FNIP2: variants seen among roughly 807,000 people sequenced by gnomAD.
FNIP2 encodes the protein folliculin interacting protein 2, also known as folliculin-interacting protein 2.
A neutral mutation model predicts 108.7 loss-of-function variants in FNIP2; 32 were observed. The observed-to-expected ratio is 0.29, with a 90% CI of 0.22 to 0.40. The LOEUF is 0.40. FNIP2 is among the 10% of genes least tolerant of loss of function. The probability of loss-of-function intolerance (pLI) is 1.00; values close to 1 mark genes in which losing one functional copy is unlikely to be tolerated. For missense variants in FNIP2, 1,202 were observed against 1,381.6 expected, an observed-to-expected ratio of 0.87 and a Z score of 2.06; for synonymous variants, 480 against 496.7, an observed-to-expected ratio of 0.97 and a Z score of 0.45.
intron 10 of FNIP2, among the ~76,000 whole-genome samples, chr4:158,860,760 G>A (rs1027084841): frequency 4.0e-5 from 6 of 150,780 alleles, no homozygotes; most frequent in Admixed American, 6.6e-5. Context: ...GGGTTCAAGC[G>A]ATTCTCCTGC....
At chr4:158,774,017 A>C (rs1333923341) in intron 1 of FNIP2, among the ~76,000 whole-genome samples, 2 of 152,214 alleles carry the variant, frequency 1.3e-5, no homozygotes, top group East Asian at 1.9e-4. Context: ...ACAGACACAC[A>C]AAACAAAAGA....
intron 1 of FNIP2, among the ~76,000 whole-genome samples, chr4:158,776,379 C>T (rs1775859883): frequency 6.6e-6 from 1 of 152,182 alleles, no homozygotes; most frequent in Non-Finnish European, 1.5e-5. Context: ...TAGGAAGCAG[C>T]AGCAAATTCA....
chr4:158,854,124 C>G (rs1278535261), intron 8 of FNIP2, among the ~76,000 whole-genome samples: 2 of 152,296 alleles, frequency 1.3e-5, no homozygotes, highest in African/African-American at 2.4e-5. Context: ...AAAACAGAGA[C>G]TAAACTCTCT....
chr4:158,804,658 C>T (rs1416558702), intron 1 of FNIP2, among the ~76,000 whole-genome samples: 2 of 152,116 alleles, frequency 1.3e-5, no homozygotes, highest in Non-Finnish European at 2.9e-5. Context: ...GTAGTCCTCT[C>T]GCCTTGGCCT....
intron 14 of FNIP2, among the ~76,000 whole-genome samples, chr4:158,870,939 C>T (rs1489852581): frequency 6.6e-6 from 1 of 152,198 alleles, no homozygotes; most frequent in Admixed American, 6.5e-5. Context: ...AGGAGCTGCT[C>T]TGGGGGTGGT....
chr4:158,895,096 TA>T (rs1023247515), intron 15 of FNIP2, among the ~76,000 whole-genome samples: 3 of 152,102 alleles, frequency 2.0e-5, no homozygotes, highest in Non-Finnish European at 2.9e-5. Context: ...TGCTATTCTC[TA>T]AAAAAATGAA....
chr4:158,837,433 A>C (rs1458073464), intron 7 of FNIP2, among the ~76,000 whole-genome samples: 1 of 152,170 alleles, frequency 6.6e-6, no homozygotes, highest in Non-Finnish European at 1.5e-5. Context: ...AGGGAATTTG[A>C]GGGACCTAAC....
intron 14 of FNIP2, chr4:158,872,722 GTCTA>G: frequency 1.0e-6 from 1 of 981,224 alleles, no homozygotes; most frequent in Non-Finnish European, 1.2e-6. Context: ...TGGCGCTCTG[GTCTA>G]TGGTAGTGTT....
chr4:158,852,626 C>G (rs996430235), intron 8 of FNIP2, among the ~76,000 whole-genome samples: 1 of 152,146 alleles, frequency 6.6e-6, no homozygotes, highest in African/African-American at 2.4e-5. Context: ...AAATCAAGTC[C>G]GGTGTTTAGC....
At chr4:158,854,024 G>A (rs1026920291) in intron 8 of FNIP2, among the ~76,000 whole-genome samples, 23 of 152,260 alleles carry the variant, frequency 1.5e-4, no homozygotes, top group Middle Eastern at 3.4e-3. Flanking sequence ...TGAAAACAGT[G>A]TATTTTTTTG....
chr4:158,878,449 CT>C (rs1179447082), intron 14 of FNIP2, among the ~76,000 whole-genome samples: 1 of 152,210 alleles, frequency 6.6e-6, no homozygotes, highest in Non-Finnish European at 1.5e-5. Flanking sequence ...TCAAAACCCC[CT>C]GTCTGTGCTA....
rs1486428649 is a variant in FNIP2, at chr4:158,906,511, A to G, written c.*1967A>G. ...CACTGAGCTTTAAATCGTTGATTCTAAACTCTATACATTAAAAAAATTCAG... is the reference window on the plus strand; with the variant it reads ...CACTGAGCTTTAAATCGTTGATTCTGAACTCTATACATTAAAAAAATTCAG... On this transcript the variant is annotated 3_prime_UTR_variant, in exon 17 of 17. Transcript: ENST00000264433. The G allele has an allele frequency of 6.6e-6, 1 of 152,160 alleles. No individual in the cohort carries two copies. Among genetic ancestry groups the G allele is most frequent in the African/African-American group, 2.4e-5 (1 of 41,430 alleles). The allele number at this position is 152,160 out of a possible 1,614,324, so 9.4% of individuals were successfully genotyped here.
Position 158,868,559 on chromosome 4 carries a change from C to T in FNIP2, c.1923C>T (p.Ser641=), listed in dbSNP as rs1780728507. The part of the protein sequence containing the change: ...AGCLGPASDA[S]WKPQNAFCGD... ...GCCTGGGGCCAGCATCAGACGCTTC[C>T]TGGAAACCTCAGAATGCATTTTGTG... is the stretch of plus-strand genomic sequence containing the variant. Residue 641 remains serine, a synonymous_variant, in exon 13 of 17, where the codon TCC becomes TCT. Coordinates refer to ENST00000264433, the MANE Select transcript of FNIP2 (RefSeq NM_020840.3). This position sits in a 1 kb window ranked among gnomAD's most constrained non-coding sequence, Gnocchi z 4.6. 6.2e-7 allele frequency: 1 copy of T among 1,613,512 alleles called. No homozygotes were observed. Among genetic ancestry groups the T allele is most frequent in the African/African-American group, 1.3e-5 (1 of 75,040 alleles).
At chr4:158,837,371 C>G (rs1020811735) in intron 7 of FNIP2, among the ~76,000 whole-genome samples, 1 of 152,216 alleles carries the variant, frequency 6.6e-6, no homozygotes, top group African/African-American at 2.4e-5. Flanking sequence ...TTCTGCACAG[C>G]TGTAACCTTA....
At chr4:158,828,009 C>T in intron 2 of FNIP2, among the ~76,000 whole-genome samples, 1 of 151,864 alleles carries the variant, frequency 6.6e-6, no homozygotes, top group South Asian at 2.1e-4. Context: ...AAAGAAGACT[C>T]AGAATAGAAA....
intron 8 of FNIP2, among the ~76,000 whole-genome samples, chr4:158,858,464 G>A (rs1221065158): frequency 6.6e-6 from 1 of 152,266 alleles, no homozygotes; most frequent in East Asian, 1.9e-4. Context: ...CATAGAAGCC[G>A]AGTCTCTCAA....
intron 12 of FNIP2, among the ~76,000 whole-genome samples, chr4:158,866,221 C>CATTTTTTTTTTT (rs1780568105): frequency 1.7e-5 from 1 of 59,764 alleles, no homozygotes; most frequent in Non-Finnish European, 2.8e-5. Context: ...TCTGGTTATT[C>CATTTTTTTTTTT]TTTTTTTTTT....
chr4:158,785,985 T>G (rs1394879706), intron 1 of FNIP2, among the ~76,000 whole-genome samples: 2 of 152,204 alleles, frequency 1.3e-5, no homozygotes, highest in Admixed American at 1.3e-4. Flanking sequence ...GTCATAAGAA[T>G]AGTTTGAAGA....
chr4:158,845,615 G>C (rs765112762), intron 7 of FNIP2, among the ~76,000 whole-genome samples: 1 of 152,120 alleles, frequency 6.6e-6, no homozygotes, highest in African/African-American at 2.4e-5. Flanking sequence ...ACTAGCACTC[G>C]AGCATTGCAT....
Sources: allele counts gnomAD v4.1 joint callset (sites outside exome capture counted in the v4.1 genomes callset), GRCh38; gene constraint gnomAD v4.1.1; non-coding constraint Gnocchi (gnomAD v3.1); transcripts MANE v1.5; gene names NCBI Gene and HGNC (gene_info 2026-07-23, HGNC 2026-07-21).